The following ADAM18 variants were observed in gnomAD, a reference collection of about 807,000 sequenced individuals.
ADAM18 encodes the protein disintegrin and metalloproteinase domain-containing protein 18.
Under a neutral mutation model 94.4 loss-of-function variants are expected in ADAM18, and 117 were observed. The ratio of observed to expected loss-of-function variants is 1.24; its 90% CI spans 1.07 to 1.45. The LOEUF is 1.45. Among genes scored for constraint, ADAM18 ranks in the 40% most tolerant of loss-of-function variants. The pLI is 0.00. For synonymous variants in ADAM18, 327 were observed against 291.6 expected (o/e 1.12, Z -1.24); for missense variants, 936 against 880.0 (o/e 1.06, Z -0.81).
intron 12 of ADAM18, among the ~76,000 whole-genome samples, chr8:39,654,736 T>C (rs1356324678): frequency 6.6e-6 from 1 of 152,218 alleles, no homozygotes; most frequent in Non-Finnish European, 1.5e-5. Context: ...TAATAGCCAT[T>C]CTAACTAGGA....
intron 16 of ADAM18, chr8:39,685,330 T>C (rs537564598): frequency 6.6e-6 from 1 of 152,402 alleles, no homozygotes; most frequent in East Asian, 1.9e-4. Context: ...TCATCCCACC[T>C]GGGCCCAGTG....
At chr8:39,694,770 T>A (rs1372888214) in intron 17 of ADAM18, among the ~76,000 whole-genome samples, 1 of 151,608 alleles carries the variant, frequency 6.6e-6, no homozygotes, top group African/African-American at 2.4e-5. Context: ...TACATTATTA[T>A]TAACTACTGT....
At position 39,663,790 on chromosome 8, in the gene ADAM18, T is replaced by A. The variant is rs200778632; in HGVS notation, c.1231-5T>A. 1.9e-5 allele frequency: 31 copies of A among 1,598,538 alleles called. No individual in the cohort carries two copies. Among genetic ancestry groups the A allele is most frequent in the South Asian group, 1.4e-4 (12 of 88,570 alleles). ...GTAATAATATTTCTTCCTGTAAAAT[T>A]TTAGGAATGTCAATTTAAGAAGTGC... On this transcript the variant is annotated splice_polypyrimidine_tract_variant and splice_region_variant and intron_variant, in intron 12 of 19. Transcript: ENST00000265707.
At chr8:39,606,441 G>A in intron 3 of ADAM18, 79 bp downstream of exon 3, 4 of 903,032 alleles carry the variant, frequency 4.4e-6, no homozygotes, top group Middle Eastern at 2.3e-4. Context: ...TTTTTGTGCA[G>A]TATTTAAATT....
chr8:39,632,142 T>G (rs1819948100), intron 7 of ADAM18, among the ~76,000 whole-genome samples: 1 of 151,968 alleles, frequency 6.6e-6, no homozygotes, highest in South Asian at 2.1e-4. Context: ...TTTAATTTTT[T>G]TCTTTATCAA....
At chr8:39,727,657 ACTTAACTATCCATATCACTG>A in intron 19 of ADAM18, among the ~76,000 whole-genome samples, 1 of 152,186 alleles carries the variant, frequency 6.6e-6, no homozygotes, top group African/African-American at 2.4e-5. Flanking sequence ...GGCAGCCTGG[ACTTAACTATCCATATCACTG>A]TCAGCCTTTT....
Position 39,585,260 on chromosome 8 carries a change from C to T in ADAM18, c.56-16C>T. On this transcript the variant is annotated splice_polypyrimidine_tract_variant and intron_variant, in intron 1 of 19. Transcript: ENST00000265707. ...TGCAAAACAAAGACAAAAACAAACA[C>T]ATTTTCTTACTGCAGGTTCTGAAGG... The T allele has an allele frequency of 2.5e-6, 4 of 1,604,344 alleles. No individual in the cohort carries two copies. Among genetic ancestry groups the T allele is most frequent in the South Asian group, 2.2e-5 (2 of 90,146 alleles).
At position 39,655,784 on chromosome 8, in the gene ADAM18, C is replaced by T. The variant is rs960432853; in HGVS notation, c.1230+7257C>T. On this transcript the variant is annotated intron_variant, in intron 12 of 19. Coordinates refer to ENST00000265707, the MANE Select transcript of ADAM18 (RefSeq NM_014237.3). ...TATTTGCACGTATAAATGAATTTATCGAGGTCACTTGTTACATAGTCAATT... is the reference window on the plus strand; with the variant it reads ...TATTTGCACGTATAAATGAATTTATTGAGGTCACTTGTTACATAGTCAATT... Among the ~76,000 whole-genome samples the T allele has an allele frequency of 1.1e-4, 16 of 151,452 alleles. 1 individual carries two copies. The highest frequency in any genetic ancestry group is 6.2e-4 in the South Asian group (3 of 4,824).
intron 6 of ADAM18, among the ~76,000 whole-genome samples, chr8:39,626,745 T>G (rs1819780870): frequency 6.6e-6 from 1 of 152,186 alleles, no homozygotes; most frequent in Non-Finnish European, 1.5e-5. Flanking sequence ...TTTTTAGTTT[T>G]ACTCCACTGT....
intron 14 of ADAM18, among the ~76,000 whole-genome samples, chr8:39,673,782 A>C (rs535811385): frequency 1.3e-5 from 2 of 152,320 alleles, no homozygotes; most frequent in African/African-American, 4.8e-5. Context: ...TTCCCTCTAC[A>C]CACTGCTTTA....
intron 16 of ADAM18, among the ~76,000 whole-genome samples, chr8:39,689,657 G>A (rs777517577): frequency 5.9e-5 from 9 of 152,144 alleles, no homozygotes; most frequent in Non-Finnish European, 1.0e-4. Context: ...GCTTTGCATA[G>A]GATTGCATTG....
chr8:39,614,724 A>C (rs1201523061), intron 6 of ADAM18, among the ~76,000 whole-genome samples: 1 of 152,202 alleles, frequency 6.6e-6, no homozygotes, highest in East Asian at 1.9e-4. Context: ...CCCATTTCAC[A>C]TTCAGTGACA....
At chr8:39,725,898 T>C (rs1822893238) in intron 19 of ADAM18, among the ~76,000 whole-genome samples, 2 of 152,160 alleles carry the variant, frequency 1.3e-5, no homozygotes, top group African/African-American at 4.8e-5. Flanking sequence ...CATATGGTAG[T>C]TCTATTTTTC....
At chr8:39,607,773 C>A (rs561416540) in intron 3 of ADAM18, among the ~76,000 whole-genome samples, 1 of 149,346 alleles carries the variant, frequency 6.7e-6, no homozygotes, top group Non-Finnish European at 1.5e-5. Context: ...TCTCATCTCT[C>A]GAATCTTAGA....
At chr8:39,666,219 G>A (rs11774801) in intron 13 of ADAM18, among the ~76,000 whole-genome samples, 2,633 of 152,056 alleles carry the variant, frequency 0.017, 27 homozygotes, top group Middle Eastern at 0.044. Flanking sequence ...TGTATTTTTT[G>A]TAGAGATGGG....
chr8:39,641,346 G>T (rs1472574141), intron 10 of ADAM18, among the ~76,000 whole-genome samples: 1 of 151,966 alleles, frequency 6.6e-6, no homozygotes. Context: ...TGTTCTATTG[G>T]TTTGTGCGTC....
intron 17 of ADAM18, among the ~76,000 whole-genome samples, chr8:39,699,859 T>A (rs1822016512): frequency 6.6e-6 from 1 of 152,146 alleles, no homozygotes; most frequent in African/African-American, 2.4e-5. Flanking sequence ...ATCTTGAAAT[T>A]TCTGATATTT....
intron 18 of ADAM18, among the ~76,000 whole-genome samples, chr8:39,717,582 C>A (rs1202933280): frequency 2.0e-5 from 3 of 151,552 alleles, no homozygotes; most frequent in Non-Finnish European, 4.4e-5. Context: ...GAGTTGGATT[C>A]TTATCTTACA....
At chr8:39,676,814 AT>A (rs1821315623) in intron 14 of ADAM18, among the ~76,000 whole-genome samples, 1 of 152,244 alleles carries the variant, frequency 6.6e-6, no homozygotes, top group Non-Finnish European at 1.5e-5. Context: ...TGAAAAGAAG[AT>A]TAGAAACAGT....
Sources: allele counts gnomAD v4.1 joint callset (sites outside exome capture counted in the v4.1 genomes callset), GRCh38; gene constraint gnomAD v4.1.1; transcripts MANE v1.5; gene names NCBI Gene and HGNC (gene_info 2026-07-23, HGNC 2026-07-21).